The following LRP1B variants were observed in gnomAD, a reference collection of about 807,000 sequenced individuals.
LRP1B encodes LDL receptor related protein 1B, also known as low-density lipoprotein receptor-related protein 1B.
In LRP1B, 217 loss-of-function variants were observed where a neutral mutation model predicts 556.6. The observed-to-expected ratio is 0.39, with a 90% confidence interval of 0.35 to 0.44. The LOEUF is 0.44. Ranked by LOEUF, LRP1B falls within the 20% of genes least tolerant of loss-of-function variation. The pLI, the probability that LRP1B is intolerant of heterozygous loss-of-function variation, is 1.00. For synonymous variants in LRP1B, 2,047 were observed against 1,865.8 expected, an observed-to-expected ratio of 1.10 and a Z score of -2.50; for missense variants, 5,053 against 5,620.8, an observed-to-expected ratio of 0.90 and a Z score of 3.23.
chr2:141,495,875 T>C (rs1683491421), intron 2 of LRP1B, among the ~76,000 whole-genome samples: 1 of 152,104 alleles, frequency 6.6e-6, no homozygotes, highest in Admixed American at 6.6e-5. Context: ...GCTTCACCTA[T>C]GTTCTCATTA....
chr2:141,279,565 T>C (rs1265506703), intron 3 of LRP1B, among the ~76,000 whole-genome samples: 1 of 152,080 alleles, frequency 6.6e-6, no homozygotes, highest in Non-Finnish European at 1.5e-5. Flanking sequence ...ACTGGATTTC[T>C]CCAGTACCCC....
intron 1 of LRP1B, among the ~76,000 whole-genome samples, chr2:142,114,018 C>T (rs1014223525): frequency 6.6e-6 from 1 of 151,960 alleles, no homozygotes; most frequent in African/African-American, 2.4e-5. Context: ...ATGACTGGTC[C>T]GAAACATTAA....
At chr2:141,577,430 T>G (rs116305957) in intron 2 of LRP1B, among the ~76,000 whole-genome samples, 143 of 152,288 alleles carry the variant, frequency 9.4e-4, no homozygotes, top group African/African-American at 3.3e-3. Flanking sequence ...TAAATAAATA[T>G]CTCATAAATT....
rs145600302 is a variant in LRP1B, at chr2:140,951,540, G to A, written c.2968+320C>T. 2.5e-3 allele frequency among the ~76,000 whole-genome samples: 379 copies of A among 152,168 alleles called. 1 individual carries two copies. The highest frequency in any genetic ancestry group is 8.9e-3 in the African/African-American group (369 of 41,540). ...TAAGCTTCTCCTCCTGAGGTTACAC[G>A]CATGTTTTATGGAACCCGAGATGTC... is the stretch of plus-strand genomic sequence containing the variant. On this transcript the variant is annotated intron_variant, in intron 19 of 90. Transcript: ENST00000389484.
chr2:140,813,638 A>G lies in LRP1B; in HGVS notation c.5359+19T>C, dbSNP rs949362872. ...CCAATCAATACAAAGCAACCAAGCT[A>G]TAGAATAATTTCACTTACCCATGAT... On this transcript the variant is annotated intron_variant, in intron 32 of 90. Transcript: ENST00000389484. 1.9e-6 allele frequency: 3 copies of G among 1,611,144 alleles called. No homozygotes were observed. Among genetic ancestry groups the G allele is most frequent in the Non-Finnish European group, 2.5e-6 (3 of 1,178,136 alleles).
chr2:141,438,737 C>A (rs572562555), intron 3 of LRP1B, among the ~76,000 whole-genome samples: 5 of 152,106 alleles, frequency 3.3e-5, no homozygotes, highest in African/African-American at 9.6e-5. Context: ...GTAGTGCCCA[C>A]AATGAAAGCC....
intron 1 of LRP1B, among the ~76,000 whole-genome samples, chr2:141,840,090 G>T (rs77491108): frequency 8.6e-5 from 13 of 152,018 alleles, no homozygotes; most frequent in African/African-American, 3.1e-4. Context: ...TATTTAATGA[G>T]TGAATACTTT....
At chr2:140,666,370 C>T (rs905573316) in intron 41 of LRP1B, among the ~76,000 whole-genome samples, 3 of 151,792 alleles carry the variant, frequency 2.0e-5, no homozygotes, top group Admixed American at 6.6e-5. Context: ...TGGGGGAGGG[C>T]ATTAGGAGTC....
chr2:140,722,550 C>T (rs558286262), intron 35 of LRP1B, among the ~76,000 whole-genome samples: 2 of 152,260 alleles, frequency 1.3e-5, no homozygotes, highest in African/African-American at 4.8e-5. Context: ...GCCAGAAATT[C>T]TGAATATTCT....
chr2:140,838,117 T>G (rs2105091026), intron 31 of LRP1B, among the ~76,000 whole-genome samples: 1 of 152,108 alleles, frequency 6.6e-6, no homozygotes, highest in African/African-American at 2.4e-5. Flanking sequence ...AAAGATAAGG[T>G]TTTCACCATT....
intron 66 of LRP1B, among the ~76,000 whole-genome samples, chr2:140,398,149 C>T (rs1404989248): frequency 6.6e-6 from 1 of 152,000 alleles, no homozygotes; most frequent in Non-Finnish European, 1.5e-5. Context: ...AACTTTATAA[C>T]CACAGTTAGC....
At chr2:140,681,105 C>G (rs1019664638) in intron 41 of LRP1B, among the ~76,000 whole-genome samples, 1 of 152,240 alleles carries the variant, frequency 6.6e-6, no homozygotes, top group South Asian at 2.1e-4. Context: ...ATGATGGGTA[C>G]CAAAGGAAAA....
chr2:140,478,599 C>T (rs759285201), intron 59 of LRP1B, among the ~76,000 whole-genome samples: 5 of 152,106 alleles, frequency 3.3e-5, no homozygotes, highest in African/African-American at 1.2e-4. Flanking sequence ...TAGATTCGTA[C>T]ACTGACTTCT....
chr2:142,004,784 G>A (rs543510812), intron 1 of LRP1B, among the ~76,000 whole-genome samples: 9 of 151,812 alleles, frequency 5.9e-5, no homozygotes, highest in South Asian at 2.1e-4. Flanking sequence ...AAGAGAAGGT[G>A]AAGGCTGTAG....
rs1558967997 is a variant in LRP1B at position 141,929,320 on chromosome 2, A to T, written c.83-118919T>A. Among the ~76,000 whole-genome samples, 4 of 152,078 alleles carry T rather than the reference A, an allele frequency of 2.6e-5. No homozygotes were observed. The South Asian group carries it at 8.3e-4, about 32-fold the overall frequency. On this transcript the variant is annotated intron_variant, in intron 1 of 90. Transcript: ENST00000389484. ...CACACACATAATACATGCACACAAA[A>T]TGTCAACAATGCACTTCATAGGGTG...
chr2:141,267,701 A>G (rs983071853), intron 3 of LRP1B, among the ~76,000 whole-genome samples: 6 of 152,188 alleles, frequency 3.9e-5, no homozygotes, highest in African/African-American at 1.4e-4. Flanking sequence ...GAAAAATACA[A>G]TTGCCAGTAG....
At chr2:141,495,496 C>G (rs79852071) in intron 2 of LRP1B, among the ~76,000 whole-genome samples, 2,479 of 152,206 alleles carry the variant, frequency 0.016, 51 homozygotes, top group African/African-American at 0.051. Flanking sequence ...AAATTCATAA[C>G]ATGACTCTTG....
chr2:140,836,115 A>T (rs1415420836), intron 31 of LRP1B, among the ~76,000 whole-genome samples: 1 of 152,164 alleles, frequency 6.6e-6, no homozygotes, highest in Non-Finnish European at 1.5e-5. Context: ...GCTCTTCTAA[A>T]TTTTTTTAAT....
chr2:140,247,075 G>T lies in LRP1B; in HGVS notation c.13324+11C>A. On this transcript the variant is annotated intron_variant, in intron 87 of 90. Coordinates refer to ENST00000389484, the MANE Select transcript of LRP1B (RefSeq NM_018557.3). ...TGTAGATTACCCAAAATATTAATCT[G>T]AGAAACTTACTTGTGCTGATATGAT... The T allele has an allele frequency of 6.2e-7, 1 of 1,600,464 alleles. No homozygotes were observed. Among genetic ancestry groups the T allele is most frequent in the South Asian group, 1.1e-5 (1 of 90,638 alleles).
Sources: allele counts gnomAD v4.1 joint callset (sites outside exome capture counted in the v4.1 genomes callset), GRCh38; gene constraint gnomAD v4.1.1; transcripts MANE v1.5; gene names NCBI Gene and HGNC (gene_info 2026-07-23, HGNC 2026-07-21).